Variants in VIT observed in about 807,000 individuals in gnomAD.
The protein encoded by VIT is vitrin.
In VIT, 99 loss-of-function variants were observed where a neutral mutation model predicts 78.0. That is an observed-to-expected ratio of 1.27 (90% CI 1.08 to 1.50). The LOEUF (loss-of-function observed/expected upper bound fraction) is 1.50, where lower values mean the gene tolerates loss of function less well. Ranked by LOEUF, VIT falls within the 40% of genes most tolerant of loss-of-function variation. VIT has a pLI of 0.00. For missense variants in VIT, 1,126 were observed against 875.3 expected (o/e 1.29, Z -3.61); for synonymous variants, 374 against 334.3 (o/e 1.12, Z -1.29).
chr2:36,811,864 C>T (rs1376116248), intron 15 of VIT, among the ~76,000 whole-genome samples: 2 of 151,930 alleles, frequency 1.3e-5, no homozygotes, highest in Admixed American at 6.6e-5. Flanking sequence ...TTAGTGGAGA[C>T]GGAGTTTCAC....
At chr2:36,805,196 C>T (rs1408495835) in intron 13 of VIT, among the ~76,000 whole-genome samples, 1 of 151,032 alleles carries the variant, frequency 6.6e-6, no homozygotes. Context: ...CCCTTCTACT[C>T]AGGAGGCTGA....
At chr2:36,792,676 T>A (rs1366126336) in intron 12 of VIT, among the ~76,000 whole-genome samples, 1 of 151,826 alleles carries the variant, frequency 6.6e-6, no homozygotes, top group African/African-American at 2.4e-5. Context: ...TTTTTAGAGT[T>A]CCCCAGCTGA....
rs368191404 is a variant in VIT at position 36,780,768 on chromosome 2, T to C, written c.803-959T>C. ...GATAGCCTTTAAGAAATAAAACAGT[T>C]GATCATGCTCTCAACTTTCTGAGCT... On this transcript the variant is annotated intron_variant, in intron 9 of 15. Coordinates refer to ENST00000379242, the MANE Select transcript of VIT (RefSeq NM_053276.4). 2.7e-4 allele frequency among the ~76,000 whole-genome samples: 41 copies of C among 151,876 alleles called. 1 individual carries two copies. The South Asian group carries it at 6.3e-3, about 23-fold the overall frequency.
At chr2:36,785,795 C>T (rs1665055162) in intron 11 of VIT, among the ~76,000 whole-genome samples, 1 of 152,332 alleles carries the variant, frequency 6.6e-6, no homozygotes, top group Admixed American at 6.5e-5. Flanking sequence ...TGCCATGCAA[C>T]ACTGCAAGAT....
chr2:36,814,272 T>C lies in VIT; in HGVS notation c.1993T>C (p.Phe665Leu), dbSNP rs369279118. The C allele has an allele frequency of 1.1e-4, 173 of 1,614,122 alleles. 1 individual carries two copies. Among genetic ancestry groups the C allele is most frequent in the Non-Finnish European group, 1.4e-4 (162 of 1,180,046 alleles). The part of the protein sequence containing the change: ...ATHPARDHSF[F>L]VDEFDNLHQY... The stretch of plus-strand genomic sequence containing the variant: ...TCACCCCGCCAGAGACCACTCCTTC[T>C]TTGTGGACGAGTTTGACAACCTCCA... The change falls in exon 16 of 16, where the codon TTT becomes CTT. Residue 665 changes from phenylalanine (F) to leucine (L), a missense_variant. Physicochemically the swap from Phe to Leu is conservative, Grantham distance 22. Coordinates refer to ENST00000379242, the MANE Select transcript of VIT (RefSeq NM_053276.4).
At chr2:36,806,099 G>C (rs1462558301) in intron 14 of VIT, among the ~76,000 whole-genome samples, 8 of 152,154 alleles carry the variant, frequency 5.3e-5, no homozygotes, top group Admixed American at 3.3e-4. Flanking sequence ...CTGAACCACA[G>C]CAGTGAGATC....
intron 13 of VIT, among the ~76,000 whole-genome samples, chr2:36,803,027 G>C (rs1297247949): frequency 5.3e-5 from 8 of 152,142 alleles, no homozygotes; most frequent in Admixed American, 5.2e-4. Flanking sequence ...AACCTCTTCA[G>C]AAACCTGCTT....
intron 1 of VIT, among the ~76,000 whole-genome samples, chr2:36,699,264 A>T (rs938960145): frequency 4.8e-5 from 7 of 144,880 alleles, no homozygotes; most frequent in Non-Finnish European, 7.5e-5. Flanking sequence ...TGAAGAAGTT[A>T]CACAAGATAG....
At chr2:36,722,867 A>T (rs1195170925) in intron 2 of VIT, among the ~76,000 whole-genome samples, 1 of 152,126 alleles carries the variant, frequency 6.6e-6, no homozygotes, top group Non-Finnish European at 1.5e-5. Context: ...TTTAGAAAGC[A>T]ATTTTCATTA....
At chr2:36,789,215 C>T (rs1665315986) in intron 12 of VIT, among the ~76,000 whole-genome samples, 1 of 152,152 alleles carries the variant, frequency 6.6e-6, no homozygotes, top group African/African-American at 2.4e-5. Context: ...TGAATTCGGG[C>T]CTCAGCTCCT....
intron 4 of VIT, among the ~76,000 whole-genome samples, chr2:36,754,558 T>G (rs1668651582): frequency 6.6e-6 from 1 of 152,208 alleles, no homozygotes; most frequent in African/African-American, 2.4e-5. Context: ...ATAACTAAAT[T>G]CATTCTGTGC....
chr2:36,805,571 G>A lies in VIT; in HGVS notation c.1296G>A (p.Ala432=), dbSNP rs367851085. The A allele has an allele frequency of 2.0e-5, 32 of 1,613,956 alleles. No individual in the cohort carries two copies. Among genetic ancestry groups the A allele is most frequent in the Middle Eastern group, 1.6e-4 (1 of 6,084 alleles). The change falls in exon 14 of 16, where the codon GCG becomes GCA. Residue 432 remains alanine, a synonymous_variant. Transcript: ENST00000379242. The stretch of plus-strand genomic sequence containing the variant: ...AAGTGGAGGAGGCTTCAAGACTTGC[G>A]AGAGAGTCAGGAATCAACATTTTCT... ...TDKVEEASRL[A]RESGINIFFI... is the part of the protein sequence containing the mutation.
At chr2:36,698,194 A>G (rs1664792466) in intron 1 of VIT, among the ~76,000 whole-genome samples, 1 of 152,200 alleles carries the variant, frequency 6.6e-6, no homozygotes, top group Non-Finnish European at 1.5e-5. Context: ...ACTAAGCTTC[A>G]TTTAAATATA....
chr2:36,800,270 G>C (rs143188970), intron 12 of VIT, among the ~76,000 whole-genome samples: 2,197 of 152,196 alleles, frequency 0.014, 15 homozygotes, highest in Non-Finnish European at 0.021. Context: ...GCTTGAACCC[G>C]GGCGGCAGAG....
chr2:36,801,787 A>G (rs1467884600), intron 13 of VIT, among the ~76,000 whole-genome samples: 2 of 152,052 alleles, frequency 1.3e-5, no homozygotes, highest in African/African-American at 4.8e-5. Flanking sequence ...AAAAAAAAAA[A>G]AAAAGGACAA....
At position 36,743,260 on chromosome 2, in the gene VIT, A is replaced by G. The variant is rs1432187438; in HGVS notation, c.275+4A>G. ...TGTGTGGCGCTGCCGTACACAGGTG[A>G]GTGGTTCTGAGCTACTTAATAACTA... On this transcript the variant is annotated splice_donor_region_variant and intron_variant, in intron 4 of 15. Transcript: ENST00000379242. 1.2e-6 allele frequency: 2 copies of G among 1,611,160 alleles called. No homozygotes were observed. The highest frequency in any genetic ancestry group is 3.3e-5 in the Admixed American group (2 of 59,960).
intron 4 of VIT, among the ~76,000 whole-genome samples, chr2:36,747,680 T>C (rs1324470127): frequency 1.3e-5 from 2 of 152,232 alleles, no homozygotes; most frequent in Non-Finnish European, 2.9e-5. Flanking sequence ...AGACAGTAGA[T>C]GGCTGGGTCT....
chr2:36,728,355 A>C (rs1404385648), intron 2 of VIT, among the ~76,000 whole-genome samples: 1 of 152,222 alleles, frequency 6.6e-6, no homozygotes, highest in African/African-American at 2.4e-5. Flanking sequence ...CAAAAATAGA[A>C]AAAAGCTTAT....
chr2:36,813,757 C>G (rs969154562), intron 15 of VIT, among the ~76,000 whole-genome samples: 1 of 152,184 alleles, frequency 6.6e-6, no homozygotes, highest in Non-Finnish European at 1.5e-5. Context: ...TTTTGCTTGG[C>G]TCTTCCCACT....
Sources: allele counts gnomAD v4.1 joint callset (sites outside exome capture counted in the v4.1 genomes callset), GRCh38; gene constraint gnomAD v4.1.1; transcripts MANE v1.5; gene names NCBI Gene and HGNC (gene_info 2026-07-23, HGNC 2026-07-21).